Variants in SRGAP2 observed in about 807,000 individuals in gnomAD.
SRGAP2 encodes SLIT-ROBO Rho GTPase-activating protein 2.
In SRGAP2, 15 loss-of-function variants were observed where a neutral mutation model predicts 57.2. That is an observed-to-expected ratio of 0.26 (90% CI 0.18 to 0.40). The LOEUF is 0.40. SRGAP2 is among the 10% of genes least tolerant of loss of function. The probability of loss-of-function intolerance (pLI) is 1.00; values close to 1 mark genes in which losing one functional copy is unlikely to be tolerated. For missense variants in SRGAP2, 520 were observed against 669.6 expected, an observed-to-expected ratio of 0.78 and a Z score of 2.47; for synonymous variants, 249 against 248.0, an observed-to-expected ratio of 1.00 and a Z score of -0.04.
At chr1:206,366,382 C>T (rs1553341633) in intron 4 of SRGAP2, among the ~76,000 whole-genome samples, 4 of 152,184 alleles carry the variant, frequency 2.6e-5, no homozygotes, top group East Asian at 3.9e-4. Flanking sequence ...GGCACAGTGA[C>T]ACAAAGGGTG....
At chr1:206,314,510 G>A (rs1672922244) in intron 3 of SRGAP2, among the ~76,000 whole-genome samples, 1 of 152,114 alleles carries the variant, frequency 6.6e-6, no homozygotes, top group Non-Finnish European at 1.5e-5. Flanking sequence ...ATTTGGTTTT[G>A]GATTTTAAGT....
At chr1:206,276,510 G>T (rs1670422221) in intron 2 of SRGAP2, among the ~76,000 whole-genome samples, 2 of 148,162 alleles carry the variant, frequency 1.3e-5, no homozygotes, top group Middle Eastern at 3.4e-3. Flanking sequence ...TGGGAAGGTG[G>T]AGTGAAGAAA....
intron 11 of SRGAP2, among the ~76,000 whole-genome samples, chr1:206,417,471 G>T (rs142349809): frequency 0.013 from 1,839 of 145,092 alleles, 23 homozygotes; most frequent in South Asian, 0.027. Context: ...AGGCTGGAGT[G>T]CAGTGGTGTG....
intron 14 of SRGAP2, among the ~76,000 whole-genome samples, chr1:206,432,580 G>T (rs934965722): frequency 7.9e-5 from 12 of 152,172 alleles, no homozygotes; most frequent in African/African-American, 2.9e-4. Flanking sequence ...ATTCAATGGA[G>T]TACTATATAA....
At chr1:206,334,438 G>A (rs369150021) in intron 3 of SRGAP2, among the ~76,000 whole-genome samples, 4,073 of 152,062 alleles carry the variant, frequency 0.027, 56 homozygotes, top group African/African-American at 0.032. Flanking sequence ...TAGTTTCACA[G>A]AATCAAGAAT....
At chr1:206,361,179 TG>T (rs1197354846) in intron 4 of SRGAP2, among the ~76,000 whole-genome samples, 1 of 108,022 alleles carries the variant, frequency 9.3e-6, no homozygotes, top group Non-Finnish European at 1.9e-5. Flanking sequence ...TCAGGAAGAA[TG>T]GGAACTGAAC....
chr1:206,389,927 A>G (rs1458124992), intron 5 of SRGAP2, among the ~76,000 whole-genome samples: 29 of 151,770 alleles, frequency 1.9e-4, no homozygotes, highest in African/African-American at 6.8e-4. Flanking sequence ...ATATATGTGT[A>G]GCTATATGTC....
chr1:206,327,094 A>T (rs1244783679), intron 3 of SRGAP2, among the ~76,000 whole-genome samples: 5 of 152,196 alleles, frequency 3.3e-5, no homozygotes, highest in African/African-American at 1.2e-4. Flanking sequence ...TGGGAGGCCA[A>T]TGTGGACAGA....
chr1:206,386,201 A>G (rs1251978593), intron 5 of SRGAP2, among the ~76,000 whole-genome samples: 28 of 152,228 alleles, frequency 1.8e-4, no homozygotes, highest in African/African-American at 6.8e-4. Context: ...GGCAGCTCCC[A>G]CAACAAAGAA....
chr1:206,444,593 C>T (rs144061772), intron 17 of SRGAP2, among the ~76,000 whole-genome samples: 56 of 152,354 alleles, frequency 3.7e-4, no homozygotes, highest in Non-Finnish European at 6.5e-4. Flanking sequence ...GGATTAGCTA[C>T]AGCTTAAGCC....
chr1:206,420,888 G>A (rs1178324273), intron 12 of SRGAP2, among the ~76,000 whole-genome samples: 1 of 152,114 alleles, frequency 6.6e-6, no homozygotes, highest in African/African-American at 2.4e-5. Flanking sequence ...GTGTCTCCTA[G>A]CAGGCAAAAA....
intron 3 of SRGAP2, among the ~76,000 whole-genome samples, chr1:206,322,414 A>T (rs1673524005): frequency 6.6e-6 from 1 of 150,722 alleles, no homozygotes; most frequent in Non-Finnish European, 1.5e-5. Flanking sequence ...TCTACTAAAA[A>T]ATACAAAAAA....
In SRGAP2 at chr1:206,240,690, A is replaced by C. The variant is rs551011015; in HGVS notation, c.67+34653A>C. On this transcript the variant is annotated intron_variant, in intron 2 of 22. Transcript: ENST00000573034. ...ATCCCATACCACCTTAGTGAGGTGGATATTATTGTCCTCTTTTCAGAAGTG... is the reference window on the plus strand; with the variant it reads ...ATCCCATACCACCTTAGTGAGGTGGCTATTATTGTCCTCTTTTCAGAAGTG... Among the ~76,000 whole-genome samples the C allele has an allele frequency of 5.9e-3, 900 of 152,208 alleles. 14 individuals are homozygous for C. The highest frequency in any genetic ancestry group is 0.021 in the African/African-American group (866 of 41,520).
chr1:206,421,142 C>A, intron 12 of SRGAP2, 108 bp from the exon 13 acceptor site: 1 of 578,570 alleles, frequency 1.7e-6, no homozygotes, highest in Non-Finnish European at 3.2e-6. Context: ...TTATTAAAAA[C>A]TTTACTTCTG....
chr1:206,355,479 G>A (rs1256334248), intron 4 of SRGAP2, among the ~76,000 whole-genome samples: 1 of 152,018 alleles, frequency 6.6e-6, no homozygotes, highest in African/African-American at 2.4e-5. Context: ...GGCTGTGATA[G>A]TCTGACCCTT....
chr1:206,304,081 A>C (rs1434995086), intron 3 of SRGAP2, among the ~76,000 whole-genome samples: 5 of 152,248 alleles, frequency 3.3e-5, no homozygotes, highest in Admixed American at 2.6e-4. Flanking sequence ...GGTAGCTGCT[A>C]AGGTCTATTT....
At chr1:206,326,877 T>G (rs1571865857) in intron 3 of SRGAP2, among the ~76,000 whole-genome samples, 1 of 152,302 alleles carries the variant, frequency 6.6e-6, no homozygotes, top group East Asian at 1.9e-4. Context: ...CAAAATGTAT[T>G]CCTGGCCAGG....
At chr1:206,241,679 AT>A (rs782037292) in intron 2 of SRGAP2, among the ~76,000 whole-genome samples, 1 of 150,598 alleles carries the variant, frequency 6.6e-6, no homozygotes, top group Non-Finnish European at 1.5e-5. Flanking sequence ...TAGATAAAAT[AT>A]TTCATATTAG....
intron 4 of SRGAP2, among the ~76,000 whole-genome samples, chr1:206,382,693 T>G (rs1359848336): frequency 6.6e-6 from 1 of 151,626 alleles, no homozygotes; most frequent in Non-Finnish European, 1.5e-5. Context: ...AAAAAAGTAT[T>G]TTTTAAGTAG....
Sources: gnomAD v4.1 joint callset for allele counts (sites outside exome capture counted in the v4.1 genomes callset) on GRCh38, gnomAD v4.1.1 for gene constraint, MANE v1.5 for transcripts, NCBI Gene and HGNC (gene_info 2026-07-23, HGNC 2026-07-21) for gene names.